The following CCDC171 variants were observed in gnomAD, a reference collection of about 807,000 sequenced individuals.
CCDC171 encodes the protein coiled-coil domain containing 171.
In CCDC171, 177 loss-of-function variants were observed where a neutral mutation model predicts 168.2. The observed-to-expected ratio is 1.05, with a 90% confidence interval of 0.93 to 1.19. CCDC171 has a LOEUF of 1.19. Among genes scored for constraint, CCDC171 ranks in the 50% most tolerant of loss-of-function variants. The pLI, the probability that CCDC171 is intolerant of heterozygous loss-of-function variation, is 0.00. For synonymous variants in CCDC171, 687 were observed against 540.8 expected, an observed-to-expected ratio of 1.27 and a Z score of -3.75; for missense variants, 1,991 against 1,539.0, an observed-to-expected ratio of 1.29 and a Z score of -4.91.
At chr9:15,628,591 A>C (rs373808711) in intron 7 of CCDC171, among the ~76,000 whole-genome samples, 20 of 152,226 alleles carry the variant, frequency 1.3e-4, no homozygotes, top group East Asian at 3.9e-4. Flanking sequence ...GGCTCCACCT[A>C]TGGGGGCAGG....
At chr9:15,609,786 A>AT (rs2043515353) in intron 6 of CCDC171, among the ~76,000 whole-genome samples, 1 of 152,020 alleles carries the variant, frequency 6.6e-6, no homozygotes, top group Non-Finnish European at 1.5e-5. Flanking sequence ...TATTCTTAAT[A>AT]TTTTTTAGGG....
At chr9:16,020,698 G>A (rs1345478776) in exon 4 of CCDC171, 1 of 154,396 alleles carries the variant, frequency 6.5e-6, no homozygotes, top group African/African-American at 2.4e-5. Context: ...CACAGGCAGG[G>A]AGCTTACACA....
intron 23 of CCDC171, among the ~76,000 whole-genome samples, chr9:15,869,190 G>A (rs2061921328): frequency 6.6e-6 from 1 of 151,932 alleles, no homozygotes; most frequent in Non-Finnish European, 1.5e-5. Context: ...AAAGTATGAA[G>A]TACTTTTGGA....
At chr9:15,939,354 T>TAA (rs199618275) in intron 25 of CCDC171, among the ~76,000 whole-genome samples, 2 of 151,370 alleles carry the variant, frequency 1.3e-5, no homozygotes, top group African/African-American at 4.8e-5. Flanking sequence ...CCTACACAGG[T>TAA]AAAAAAAAGA....
chr9:15,795,533 G>A (rs1045962641), intron 21 of CCDC171, among the ~76,000 whole-genome samples: 1 of 152,138 alleles, frequency 6.6e-6, no homozygotes, highest in Non-Finnish European at 1.5e-5. Flanking sequence ...AACACCAAAT[G>A]ATGAGGACTC....
chr9:15,960,480 T>C (rs1247045231), intron 25 of CCDC171, among the ~76,000 whole-genome samples: 1 of 152,208 alleles, frequency 6.6e-6, no homozygotes. Context: ...ATGGAATTGA[T>C]AATATAGGGA....
chr9:15,649,482 T>G (rs1423291035), intron 7 of CCDC171, among the ~76,000 whole-genome samples: 2 of 151,976 alleles, frequency 1.3e-5, no homozygotes, highest in Admixed American at 6.6e-5. Flanking sequence ...TGGGAGAAAA[T>G]TTTTGGAATC....
At chr9:15,685,788 A>C (rs1466309490) in intron 10 of CCDC171, among the ~76,000 whole-genome samples, 2 of 152,226 alleles carry the variant, frequency 1.3e-5, no homozygotes, top group Non-Finnish European at 2.9e-5. Context: ...ACAAGTTAAT[A>C]ATGTAATTAT....
intron 11 of CCDC171, among the ~76,000 whole-genome samples, chr9:15,717,072 T>A (rs961525308): frequency 6.6e-6 from 1 of 152,162 alleles, no homozygotes; most frequent in Non-Finnish European, 1.5e-5. Flanking sequence ...TTCATATCAC[T>A]GAAAGAGGCA....
chr9:16,010,172 T>C (rs1227861143), intron 3 of CCDC171, among the ~76,000 whole-genome samples: 3 of 152,156 alleles, frequency 2.0e-5, no homozygotes, highest in Non-Finnish European at 4.4e-5. Flanking sequence ...GTGTACTTTG[T>C]GGAGGGGAGG....
downstream of CCDC171, among the ~76,000 whole-genome samples, chr9:16,062,471 C>T (rs142796304): frequency 1.5e-3 from 223 of 152,146 alleles, no homozygotes; most frequent in African/African-American, 5.1e-3. Flanking sequence ...ACCTGGGTGA[C>T]CAAATAATCT....
chr9:15,844,016 A>G (rs1207932779), intron 21 of CCDC171, among the ~76,000 whole-genome samples: 1 of 152,146 alleles, frequency 6.6e-6, no homozygotes, highest in African/African-American at 2.4e-5. Flanking sequence ...GGGAACAATT[A>G]GGAGCAGAGT....
the CCDC171 span, among the ~76,000 whole-genome samples, chr9:16,073,763 T>C: frequency 6.6e-6 from 1 of 152,212 alleles, no homozygotes; most frequent in Non-Finnish European, 1.5e-5. Context: ...GGTGCTGTTC[T>C]CTTCACCTCC....
chr9:16,026,332 C>G (rs956555558), intron 6 of CCDC171, among the ~76,000 whole-genome samples: 1 of 152,150 alleles, frequency 6.6e-6, no homozygotes, highest in Non-Finnish European at 1.5e-5. Context: ...TTGATCACCT[C>G]TAATAAAGGT....
intron 21 of CCDC171, among the ~76,000 whole-genome samples, chr9:15,815,059 G>A (rs985590860): frequency 6.6e-6 from 1 of 152,198 alleles, no homozygotes; most frequent in Admixed American, 6.5e-5. Context: ...TTTATTCACA[G>A]TAAGAGTCCC....
At chr9:15,679,015 T>C (rs944086473) in intron 10 of CCDC171, 119 bp downstream of exon 10, 1 of 705,864 alleles carries the variant, frequency 1.4e-6, no homozygotes, top group Non-Finnish European at 2.2e-6. Context: ...TTTAGTGACA[T>C]TGATAACAAA....
chr9:15,885,425 T>C (rs1468211998), intron 24 of CCDC171: 1 of 152,184 alleles, frequency 6.6e-6, no homozygotes, highest in Non-Finnish European at 1.5e-5. Context: ...CTAGAACTAT[T>C]ATATCTTTTA....
Position 15,616,690 on chromosome 9 carries a change from A to G in CCDC171, c.676-6577A>G. The stretch of plus-strand genomic sequence containing the variant: ...CAGTGACTGAATTAATACTGGGGCT[A>G]TTGAGTGATTGAAGGAGGAGGACCT... On this transcript the variant is annotated intron_variant, in intron 6 of 25. Coordinates refer to ENST00000380701, the MANE Select transcript of CCDC171 (RefSeq NM_173550.4). 1.3e-5 allele frequency among the ~76,000 whole-genome samples: 2 copies of G among 152,168 alleles called. 1 individual carries two copies. Among genetic ancestry groups the G allele is most frequent in the Non-Finnish European group, 2.9e-5 (2 of 68,028 alleles).
chr9:15,997,335 G>T (rs1255197479), intron 3 of CCDC171, among the ~76,000 whole-genome samples: 1 of 152,242 alleles, frequency 6.6e-6, no homozygotes, highest in East Asian at 1.9e-4. Flanking sequence ...GCAGTTGGCT[G>T]GGGACTGCCC....
Sources: allele counts gnomAD v4.1 joint callset (sites outside exome capture counted in the v4.1 genomes callset), GRCh38; gene constraint gnomAD v4.1.1; transcripts MANE v1.5; gene names NCBI Gene and HGNC (gene_info 2026-07-23, HGNC 2026-07-21).